Variants in COX7B2 observed in about 807,000 individuals in gnomAD.
The protein encoded by COX7B2 is cytochrome c oxidase subunit 7B2, mitochondrial.
For missense variants in COX7B2, 109 were observed against 95.9 expected (o/e 1.14, Z -0.57); for synonymous variants, 37 against 32.1 (o/e 1.15, Z -0.51).
chr4:46,828,548 A>C (rs1299068310), intron 2 of COX7B2, among the ~76,000 whole-genome samples: 1 of 152,188 alleles, frequency 6.6e-6, no homozygotes, highest in Non-Finnish European at 1.5e-5. Flanking sequence ...AAAACCTTCC[A>C]CTGGTAATAC....
chr4:46,872,566 GC>G (rs1718059931), intron 1 of COX7B2, among the ~76,000 whole-genome samples: 2 of 152,128 alleles, frequency 1.3e-5, no homozygotes, highest in African/African-American at 4.8e-5. Context: ...CAATTTGGGG[GC>G]TTACCTGTCC....
rs144952644 is a variant in COX7B2, at chr4:46,826,115, T to C, written c.-50+18845A>G. Among the ~76,000 whole-genome samples the C allele has an allele frequency of 8.0e-3, 1,221 of 152,208 alleles. 18 individuals are homozygous for C. The highest frequency in any genetic ancestry group is 0.028 in the African/African-American group (1,172 of 41,550). ...AAACTACAGAATGAGAGAAAATATA[T>C]TGCAAACTATGCATCTGACAGTCTA... is the stretch of plus-strand genomic sequence containing the variant. On this transcript the variant is annotated intron_variant, in intron 2 of 2. Transcript: ENST00000355591.
chr4:46,837,019 T>C (rs1255195260), intron 2 of COX7B2, among the ~76,000 whole-genome samples: 1 of 152,112 alleles, frequency 6.6e-6, no homozygotes, highest in South Asian at 2.1e-4. Context: ...GATTAGTCAA[T>C]AGTTTAATCC....
At chr4:46,735,338 G>C in intron 2 of COX7B2, 97 bp from the exon 3 acceptor site, 3 of 864,612 alleles carry the variant, frequency 3.5e-6, no homozygotes, top group Non-Finnish European at 5.4e-6. Flanking sequence ...GTGGTGTTCA[G>C]GAATGTGAGT....
intron 1 of COX7B2, among the ~76,000 whole-genome samples, chr4:46,902,617 C>T (rs898678652): frequency 2.0e-5 from 3 of 152,122 alleles, no homozygotes; most frequent in Non-Finnish European, 4.4e-5. Flanking sequence ...TTTTGAACCC[C>T]GAATTCTCCA....
intron 2 of COX7B2, among the ~76,000 whole-genome samples, chr4:46,811,409 T>C (rs957822325): frequency 2.6e-5 from 4 of 152,042 alleles, no homozygotes; most frequent in Non-Finnish European, 5.9e-5. Context: ...TTCTTTTTGA[T>C]CTTGTCTGCT....
At chr4:46,856,696 T>C (rs1315956261) in intron 1 of COX7B2, among the ~76,000 whole-genome samples, 1 of 152,184 alleles carries the variant, frequency 6.6e-6, no homozygotes. Flanking sequence ...AAATTAATAG[T>C]TGAAAGCCAA....
At chr4:46,754,277 A>G (rs1406474648) in intron 2 of COX7B2, among the ~76,000 whole-genome samples, 2 of 151,500 alleles carry the variant, frequency 1.3e-5, no homozygotes, top group African/African-American at 4.8e-5. Flanking sequence ...TGTTTATTGC[A>G]GCACTATTCA....
At chr4:46,747,298 T>TTTTATTTTATTTATTTTATTTTA (rs1553878860) in intron 2 of COX7B2, among the ~76,000 whole-genome samples, 2 of 149,268 alleles carry the variant, frequency 1.3e-5, no homozygotes, top group African/African-American at 4.9e-5. Flanking sequence ...TTTTATTTTA[T>TTTTATTTTATTTATTTTATTTTA]TTTATTTTAT....
chr4:46,902,705 C>T (rs1171678697), intron 1 of COX7B2, among the ~76,000 whole-genome samples: 7 of 152,076 alleles, frequency 4.6e-5, no homozygotes, highest in Non-Finnish European at 8.8e-5. Flanking sequence ...GGCAAAACCT[C>T]GTCTCTACTA....
intron 1 of COX7B2, among the ~76,000 whole-genome samples, chr4:46,866,519 C>G (rs1419396684): frequency 6.6e-6 from 1 of 152,140 alleles, no homozygotes; most frequent in East Asian, 1.9e-4. Flanking sequence ...GTATGTTGGT[C>G]ACCATTGCTC....
chr4:46,789,932 ACT>A (rs377533413), intron 2 of COX7B2, among the ~76,000 whole-genome samples: 16 of 151,894 alleles, frequency 1.1e-4, no homozygotes, highest in African/African-American at 3.9e-4. Context: ...TAAAAGTGAG[ACT>A]CTCTCTGGAA....
chr4:46,738,929 T>A (rs889021501), intron 2 of COX7B2, among the ~76,000 whole-genome samples: 1 of 152,108 alleles, frequency 6.6e-6, no homozygotes, highest in Non-Finnish European at 1.5e-5. Context: ...ACTGATTGTG[T>A]CATCTATTAT....
chr4:46,791,824 T>C (rs946829831), intron 2 of COX7B2, among the ~76,000 whole-genome samples: 5 of 152,222 alleles, frequency 3.3e-5, no homozygotes, highest in African/African-American at 1.2e-4. Context: ...CCTGTATCTG[T>C]TGATTCTCTT....
chr4:46,793,435 A>T (rs945087940), intron 2 of COX7B2, among the ~76,000 whole-genome samples: 4 of 152,094 alleles, frequency 2.6e-5, no homozygotes, highest in African/African-American at 9.7e-5. Flanking sequence ...GCGGTTTTTT[A>T]TTAAGGTGAA....
intron 1 of COX7B2, among the ~76,000 whole-genome samples, chr4:46,875,986 T>C (rs1718297395): frequency 6.6e-6 from 1 of 152,162 alleles, no homozygotes; most frequent in South Asian, 2.1e-4. Flanking sequence ...CTGCTCTGCA[T>C]TGTTTCTCCT....
At chr4:46,750,190 ATC>A (rs1417133632) in intron 2 of COX7B2, among the ~76,000 whole-genome samples, 21 of 137,756 alleles carry the variant, frequency 1.5e-4, no homozygotes, top group Non-Finnish European at 2.9e-4. Flanking sequence ...ATGAGATCCC[ATC>A]TCTACACACA....
chr4:46,831,053 G>A (rs1204748587), intron 2 of COX7B2, among the ~76,000 whole-genome samples: 3 of 152,168 alleles, frequency 2.0e-5, no homozygotes, highest in African/African-American at 4.8e-5. Flanking sequence ...AAAGGCATGG[G>A]CGGGAACCCG....
At chr4:46,821,212 T>A (rs911302788) in intron 2 of COX7B2, among the ~76,000 whole-genome samples, 1 of 152,154 alleles carries the variant, frequency 6.6e-6, no homozygotes, top group Non-Finnish European at 1.5e-5. Context: ...GTAAAAGCCA[T>A]GAGAGACACT....
Sources: allele counts gnomAD v4.1 joint callset (sites outside exome capture counted in the v4.1 genomes callset), GRCh38; gene constraint gnomAD v4.1.1; transcripts MANE v1.5; gene names NCBI Gene and HGNC (gene_info 2026-07-23, HGNC 2026-07-21).